NRXN1: variants seen among roughly 807,000 people sequenced by gnomAD.
The protein encoded by NRXN1 is neurexin 1.
NRXN1 carries 39 observed loss-of-function variants against 150.9 expected under a neutral mutation model. The ratio of observed to expected loss-of-function variants is 0.26; its 90% confidence interval spans 0.20 to 0.34. The LOEUF is 0.34. Ranked by LOEUF, NRXN1 falls within the 10% of genes least tolerant of loss-of-function variation. NRXN1 has a pLI of 1.00. For missense variants in NRXN1, 1,815 were observed against 1,949.9 expected, an observed-to-expected ratio of 0.93 and a Z score of 1.30; for synonymous variants, 924 against 757.0, an observed-to-expected ratio of 1.22 and a Z score of -3.62.
intron 2 of NRXN1, among the ~76,000 whole-genome samples, chr2:50,975,046 G>A (rs1234055385): frequency 2.6e-5 from 4 of 151,624 alleles, no homozygotes; most frequent in African/African-American, 9.7e-5. Flanking sequence ...ACTCTTCCAG[G>A]GAATCCACAA....
intron 21 of NRXN1, among the ~76,000 whole-genome samples, chr2:49,962,119 A>C (rs747945079): frequency 6.6e-5 from 10 of 152,086 alleles, no homozygotes; most frequent in Non-Finnish European, 1.0e-4. Context: ...AAGGGGAGGG[A>C]ATAGGTATTC....
At chr2:50,691,206 T>A (rs1011636307) in intron 5 of NRXN1, among the ~76,000 whole-genome samples, 8 of 152,148 alleles carry the variant, frequency 5.3e-5, no homozygotes, top group African/African-American at 1.9e-4. Context: ...AGAAGTAAAA[T>A]TTCTTAGCTT....
chr2:50,619,855 T>A (rs914261506), intron 8 of NRXN1, 167 bp downstream of exon 8: 4 of 518,852 alleles, frequency 7.7e-6, no homozygotes, highest in Non-Finnish European at 1.3e-5. Flanking sequence ...TAATGATCTA[T>A]GAGCTGTTTC....
chr2:50,896,057 A>C (rs1681898867), intron 5 of NRXN1, among the ~76,000 whole-genome samples: 1 of 152,192 alleles, frequency 6.6e-6, no homozygotes, highest in African/African-American at 2.4e-5. Context: ...AGCCCTGATA[A>C]TGTGAACCAT....
chr2:50,892,954 C>A (rs774566573), intron 5 of NRXN1, among the ~76,000 whole-genome samples: 1 of 152,118 alleles, frequency 6.6e-6, no homozygotes, highest in Non-Finnish European at 1.5e-5. Flanking sequence ...AATGACTAAC[C>A]ATGGCGTGGT....
intron 7 of NRXN1, among the ~76,000 whole-genome samples, chr2:50,620,781 C>T (rs1215528462): frequency 6.6e-6 from 1 of 152,070 alleles, no homozygotes; most frequent in Non-Finnish European, 1.5e-5. Context: ...AGAAAGAAAA[C>T]AGGGAGAACC....
At chr2:50,944,217 A>G (rs541432640) in intron 2 of NRXN1, among the ~76,000 whole-genome samples, 2 of 152,284 alleles carry the variant, frequency 1.3e-5, no homozygotes, top group East Asian at 3.9e-4. Context: ...ATCTTGGAAA[A>G]AAAGTTGAGA....
At chr2:50,261,920 A>T (rs1398895558) in intron 17 of NRXN1, among the ~76,000 whole-genome samples, 2 of 151,990 alleles carry the variant, frequency 1.3e-5, no homozygotes, top group Non-Finnish European at 2.9e-5. Flanking sequence ...GAAACTATAC[A>T]ATAATCCTCA....
chr2:50,267,836 A>G (rs2069077445), intron 17 of NRXN1, among the ~76,000 whole-genome samples: 1 of 152,108 alleles, frequency 6.6e-6, no homozygotes, highest in Non-Finnish European at 1.5e-5. Context: ...AACAGACATT[A>G]TCTTATTTGA....
At chr2:50,463,229 A>T (rs2088433658) in intron 17 of NRXN1, among the ~76,000 whole-genome samples, 1 of 151,850 alleles carries the variant, frequency 6.6e-6, no homozygotes, top group African/African-American at 2.4e-5. Flanking sequence ...AAAAGTGAGG[A>T]AAGTGTTGCA....
intron 11 of NRXN1, among the ~76,000 whole-genome samples, chr2:50,529,734 T>G (rs2093049616): frequency 6.6e-6 from 1 of 152,218 alleles, no homozygotes; most frequent in Admixed American, 6.6e-5. Flanking sequence ...TGTTTCCACT[T>G]TGACTAACAG....
rs182140731 is a variant in NRXN1 at position 50,368,745 on chromosome 2, T to C, written c.3364+96697A>G. ...TAATTTTTTATTGGCCTTGAAACTA[T>C]AGGAAAGGCCAACAGGTAGAAATAG... On this transcript the variant is annotated intron_variant, in intron 17 of 22. Coordinates refer to ENST00000401669, the MANE Select transcript of NRXN1 (RefSeq NM_001330078.2). Among the ~76,000 whole-genome samples, 8 of 152,022 alleles carry C rather than the reference T, an allele frequency of 5.3e-5. 1 individual carries two copies. Among genetic ancestry groups the C allele is most frequent in the Admixed American group, 4.6e-4 (7 of 15,232 alleles).
chr2:50,139,982 T>C (rs1266216975), intron 18 of NRXN1, among the ~76,000 whole-genome samples: 2 of 152,104 alleles, frequency 1.3e-5, no homozygotes, highest in Non-Finnish European at 2.9e-5. Context: ...TTCTTTCACC[T>C]CCATTTCAAT....
intron 21 of NRXN1, among the ~76,000 whole-genome samples, chr2:50,046,310 C>T (rs1334688470): frequency 2.6e-5 from 4 of 152,212 alleles, no homozygotes; most frequent in African/African-American, 9.6e-5. Context: ...CCCATACATA[C>T]ATCCCTTAGG....
chr2:50,823,402 A>T (rs1670007248), intron 5 of NRXN1, among the ~76,000 whole-genome samples: 1 of 152,128 alleles, frequency 6.6e-6, no homozygotes, highest in South Asian at 2.1e-4. Context: ...AACAATACCT[A>T]CCATCATACA....
intron 17 of NRXN1, among the ~76,000 whole-genome samples, chr2:50,313,466 C>G (rs979012686): frequency 6.6e-6 from 1 of 152,114 alleles, no homozygotes; most frequent in Non-Finnish European, 1.5e-5. Flanking sequence ...AGCAGTCTCC[C>G]TGCCATGAAA....
rs1684420343 is a variant in NRXN1, at chr2:50,643,878, T to C, written c.833-20263A>G. ...AAAAATTTAGGCTTTTATAAACATTTAGCTTGCATATCAATTTTACAGTTT... is the reference window on the plus strand; with the variant it reads ...AAAAATTTAGGCTTTTATAAACATTCAGCTTGCATATCAATTTTACAGTTT... On this transcript the variant is annotated intron_variant, in intron 5 of 22. Transcript: ENST00000401669. 5.3e-5 allele frequency among the ~76,000 whole-genome samples: 8 copies of C among 151,982 alleles called. No homozygotes were observed. The South Asian group carries it at 1.7e-3, about 31-fold the overall frequency.
intron 2 of NRXN1, among the ~76,000 whole-genome samples, chr2:50,957,928 A>T (rs562587933): frequency 6.6e-6 from 1 of 152,282 alleles, no homozygotes; most frequent in Non-Finnish European, 1.5e-5. Flanking sequence ...AGAAATGAAA[A>T]TAAAAAACAA....
At chr2:50,517,025 GT>G (rs1286007826) in intron 12 of NRXN1, among the ~76,000 whole-genome samples, 1 of 152,120 alleles carries the variant, frequency 6.6e-6, no homozygotes, top group East Asian at 1.9e-4. Flanking sequence ...AGACTGTTGA[GT>G]TTTATCCTGG....
Sources: gnomAD v4.1 joint callset for allele counts (sites outside exome capture counted in the v4.1 genomes callset) on GRCh38, gnomAD v4.1.1 for gene constraint, MANE v1.5 for transcripts, NCBI Gene and HGNC (gene_info 2026-07-23, HGNC 2026-07-21) for gene names.